The following ARB2A variants were observed in gnomAD, a reference collection of about 807,000 sequenced individuals.
ARB2A encodes the protein ARB2 cotranscriptional regulator A, also known as cotranscriptional regulator ARB2A.
At chr5:93,994,544 T>C in the ARB2A span, among the ~76,000 whole-genome samples, 1 of 152,104 alleles carries the variant, frequency 6.6e-6, no homozygotes, top group Non-Finnish European at 1.5e-5. Flanking sequence ...GTTCAACGGG[T>C]ACATATAGTT....
At chr5:93,762,315 C>T in the ARB2A span, among the ~76,000 whole-genome samples, 23,576 of 152,088 alleles carry the variant, frequency 0.16, 2,484 homozygotes, top group Admixed American at 0.28. Flanking sequence ...AAAAATTAGA[C>T]GAATGGCTGA....
the ARB2A span, among the ~76,000 whole-genome samples, chr5:94,074,048 C>T: frequency 6.6e-6 from 1 of 152,212 alleles, no homozygotes; most frequent in South Asian, 2.1e-4. Context: ...TACTTTTCAG[C>T]CTCTTTTGCT....
At chr5:93,771,552 C>T in the ARB2A span, among the ~76,000 whole-genome samples, 1 of 152,180 alleles carries the variant, frequency 6.6e-6, no homozygotes, top group South Asian at 2.1e-4. Flanking sequence ...TCGCAACCTA[C>T]TCATCTGACA....
chr5:94,084,438 T>C, the ARB2A span, among the ~76,000 whole-genome samples: 1 of 152,156 alleles, frequency 6.6e-6, no homozygotes, highest in Non-Finnish European at 1.5e-5. Flanking sequence ...TATCTATGAA[T>C]AGAAAGACTC....
chr5:94,016,165 A>T, the ARB2A span, among the ~76,000 whole-genome samples: 10 of 152,226 alleles, frequency 6.6e-5, no homozygotes, highest in African/African-American at 2.4e-4. Context: ...TAGACTACAA[A>T]TCAATGACTG....
At chr5:94,084,274 CAAAAAAAAA>C in the ARB2A span, among the ~76,000 whole-genome samples, 9 of 73,102 alleles carry the variant, frequency 1.2e-4, no homozygotes, top group African/African-American at 3.6e-4. Context: ...AACTTCATCT[CAAAAAAAAA>C]AAAAAAAAAA....
the ARB2A span, among the ~76,000 whole-genome samples, chr5:93,664,524 G>A: frequency 2.0e-5 from 3 of 151,554 alleles, no homozygotes; most frequent in Non-Finnish European, 4.4e-5. Flanking sequence ...CCAGGTACTC[G>A]GGAAGCTGAG....
chr5:93,768,873 T>C, the ARB2A span, among the ~76,000 whole-genome samples: 1 of 152,030 alleles, frequency 6.6e-6, no homozygotes, highest in Non-Finnish European at 1.5e-5. Flanking sequence ...TATGAGCCAC[T>C]ATGCTTGGCC....
chr5:93,970,817 T>C, the ARB2A span, among the ~76,000 whole-genome samples: 1 of 152,314 alleles, frequency 6.6e-6, no homozygotes, highest in East Asian at 1.9e-4. Context: ...TACTTTTACA[T>C]AAGCATCTTC....
the ARB2A span, among the ~76,000 whole-genome samples, chr5:93,879,456 C>G: frequency 4.0e-5 from 6 of 150,908 alleles, no homozygotes; most frequent in Non-Finnish European, 7.4e-5. Flanking sequence ...TGAAATGGGA[C>G]AAAGAGGCAA....
the ARB2A span, among the ~76,000 whole-genome samples, chr5:93,867,879 C>A: frequency 6.6e-6 from 1 of 151,750 alleles, no homozygotes; most frequent in Non-Finnish European, 1.5e-5. Context: ...GTTTTCTTCT[C>A]ATATTAAATT....
chr5:94,076,563 T>C, the ARB2A span, among the ~76,000 whole-genome samples: 1 of 152,214 alleles, frequency 6.6e-6, no homozygotes, highest in Non-Finnish European at 1.5e-5. Flanking sequence ...ACATCAGACC[T>C]AGACTGATAA....
At chr5:93,923,668 G>A in the ARB2A span, among the ~76,000 whole-genome samples, 1 of 152,096 alleles carries the variant, frequency 6.6e-6, no homozygotes, top group Non-Finnish European at 1.5e-5. Context: ...AAATCAGCCA[G>A]GCGTGGTGTT....
the ARB2A span, among the ~76,000 whole-genome samples, chr5:93,856,293 G>T: frequency 1.3e-5 from 2 of 152,192 alleles, no homozygotes; most frequent in East Asian, 3.9e-4. Context: ...TATCTTTGGG[G>T]TGTTCTCTGT....
At chr5:93,659,142 TA>T in the ARB2A span, among the ~76,000 whole-genome samples, 1 of 152,018 alleles carries the variant, frequency 6.6e-6, no homozygotes, top group Non-Finnish European at 1.5e-5. Flanking sequence ...TGATGCTATA[TA>T]AAAATGAGAT....
chr5:93,983,735 C>A, the ARB2A span, among the ~76,000 whole-genome samples: 1 of 152,150 alleles, frequency 6.6e-6, no homozygotes, highest in African/African-American at 2.4e-5. Flanking sequence ...AATACTGGAA[C>A]AGGTCAAAAT....
the ARB2A span, among the ~76,000 whole-genome samples, chr5:93,756,817 T>A: frequency 1.3e-5 from 2 of 151,966 alleles, no homozygotes; most frequent in African/African-American, 2.4e-5. Flanking sequence ...ACAAGGCTCG[T>A]CAACACCCCC....
chr5:93,857,874 G>A, the ARB2A span, among the ~76,000 whole-genome samples: 2 of 152,030 alleles, frequency 1.3e-5, no homozygotes, highest in Admixed American at 6.5e-5. Context: ...CCTGTCTTCT[G>A]CGTCGCTCAT....
the ARB2A span, among the ~76,000 whole-genome samples, chr5:93,889,197 TG>T: frequency 1.5e-4 from 23 of 151,830 alleles, no homozygotes; most frequent in Admixed American, 3.9e-4. Flanking sequence ...TAACTTTAAA[TG>T]GTAAGTTAAG....
Sources: gnomAD v4.1 joint callset for allele counts (sites outside exome capture counted in the v4.1 genomes callset) on GRCh38, gnomAD v4.1.1 for gene constraint, MANE v1.5 for transcripts, NCBI Gene and HGNC (gene_info 2026-07-23, HGNC 2026-07-21) for gene names.